MEI1: variants seen among roughly 807,000 people sequenced by gnomAD.
MEI1 encodes the protein meiosis inhibitor protein 1.
A neutral mutation model predicts 146.2 loss-of-function variants in MEI1; 103 were observed. The ratio of observed to expected loss-of-function variants is 0.70; its 90% confidence interval spans 0.60 to 0.83. The LOEUF (loss-of-function observed/expected upper bound fraction) is 0.83, where lower values mean the gene tolerates loss of function less well. MEI1 is among the 40% of genes least tolerant of loss of function. MEI1 has a pLI of 0.00. For missense variants in MEI1, 1,529 were observed against 1,533.0 expected (o/e 1.00, Z 0.04); for synonymous variants, 652 against 628.2 (o/e 1.04, Z -0.57).
At chr22:41,790,794 T>C (rs1226499848) in intron 26 of MEI1, among the ~76,000 whole-genome samples, 2 of 152,076 alleles carry the variant, frequency 1.3e-5, no homozygotes, top group Admixed American at 6.6e-5. Flanking sequence ...GGTTTCACCA[T>C]ATTGGCCAGG....
intron 30 of MEI1, among the ~76,000 whole-genome samples, chr22:41,797,932 G>A (rs1008973014): frequency 1.3e-5 from 2 of 152,022 alleles, no homozygotes; most frequent in Non-Finnish European, 2.9e-5. Context: ...TCCAAATAAC[G>A]AAACTGAGGC....
chr22:41,795,740 G>C lies in MEI1; in HGVS notation c.3672G>C (p.Gln1224His). 6.2e-7 allele frequency: 1 copy of C among 1,613,512 alleles called. No homozygotes were observed. The highest frequency in any genetic ancestry group is 8.5e-7 in the Non-Finnish European group (1 of 1,179,686). Reference sequence around the variant, plus strand: ...CTGCCCTCTTCTCCCTGCAGCTCCAGAGCATGGGACACCTGGCTGACCACA... The same window carrying C: ...CTGCCCTCTTCTCCCTGCAGCTCCACAGCATGGGACACCTGGCTGACCACA... The part of the protein sequence containing the change: ...QALHGFFQQL[Q>H]SMGHLADHSM... Residue 1224 changes from glutamine to histidine, a missense_variant, in exon 30 of 31, where the codon CAG becomes CAC. By Grantham distance (24) the Gln-to-His change is conservative. Coordinates refer to ENST00000401548, the MANE Select transcript of MEI1 (RefSeq NM_152513.4). The surrounding 1 kb of genome is among the most constrained non-coding windows in gnomAD (Gnocchi z 4.2).
At chr22:41,765,842 C>A (rs1358399474) in intron 19 of MEI1, among the ~76,000 whole-genome samples, 1 of 149,780 alleles carries the variant, frequency 6.7e-6, no homozygotes, top group Non-Finnish European at 1.5e-5. Context: ...ATTGTGTAAT[C>A]CTTAGTCATC....
At chr22:41,786,060 G>A (rs1385455888) in intron 26 of MEI1, among the ~76,000 whole-genome samples, 9 of 148,270 alleles carry the variant, frequency 6.1e-5, no homozygotes, top group African/African-American at 1.5e-4. Flanking sequence ...ACAGGCGCCC[G>A]CTACCACGCC....
intron 8 of MEI1, 127 bp downstream of exon 8, chr22:41,729,906 T>G (rs1349796897): frequency 1.7e-5 from 10 of 604,968 alleles, no homozygotes; most frequent in Non-Finnish European, 2.7e-5. Context: ...TACAGATTTC[T>G]TGTATGACCT....
At chr22:41,796,357 T>G (rs1294365311) in intron 30 of MEI1, among the ~76,000 whole-genome samples, 2 of 151,082 alleles carry the variant, frequency 1.3e-5, no homozygotes, top group African/African-American at 4.9e-5. Flanking sequence ...CCAGGTTTTT[T>G]TTTTTTTTTT....
At position 41,732,567 on chromosome 22, in the gene MEI1, C is replaced by G. The variant is rs771729569; in HGVS notation, c.1295C>G (p.Ala432Gly). ...EAVSSPVLEVAAEALKATSAF... is the reference protein window; with the variant it reads ...EAVSSPVLEVGAEALKATSAF... ...GTTAGCAGCCCTGTGCTGGAGGTGG[C>G]TGCTGAGGCCTTGAAGGCCACTTCT... The change falls in exon 11 of 31, where the codon GCT becomes GGT. Residue 432 changes from alanine (A) to glycine (G), a missense_variant. Transcript: ENST00000401548. 6.2e-7 allele frequency: 1 copy of G among 1,613,680 alleles called. No individual in the cohort carries two copies. The highest frequency in any genetic ancestry group is 1.7e-5 in the Admixed American group (1 of 60,002).
At chr22:41,707,591 T>C (rs2069189273) in intron 3 of MEI1, among the ~76,000 whole-genome samples, 1 of 152,112 alleles carries the variant, frequency 6.6e-6, no homozygotes, top group South Asian at 2.1e-4. Flanking sequence ...AGAGGATCAC[T>C]TGAGCTCAGG....
chr22:41,786,637 C>T (rs2075996071), intron 26 of MEI1, among the ~76,000 whole-genome samples: 1 of 152,200 alleles, frequency 6.6e-6, no homozygotes, highest in South Asian at 2.1e-4. Context: ...GGTAATATGC[C>T]AGTCACCATG....
intron 14 of MEI1, among the ~76,000 whole-genome samples, chr22:41,746,468 A>C (rs1200094729): frequency 2.6e-5 from 4 of 152,218 alleles, no homozygotes; most frequent in Non-Finnish European, 2.9e-5. Flanking sequence ...AATAATGAGC[A>C]GCAGTGAATG....
At chr22:41,736,391 A>G (rs544688156) in intron 11 of MEI1, among the ~76,000 whole-genome samples, 6 of 151,702 alleles carry the variant, frequency 4.0e-5, no homozygotes, top group East Asian at 3.9e-4. Context: ...CTGGGACTAC[A>G]GGTGCCTGCC....
In MEI1 at chr22:41,746,020, G is replaced by T. The variant is rs557774409; in HGVS notation, c.1674G>T (p.Met558Ile). 5 of 1,594,618 alleles carry T rather than the reference G, an allele frequency of 3.1e-6. No individual in the cohort carries two copies. The African/African-American group carries it at 5.4e-5, about 17-fold the overall frequency. ...LSACDSLCIP[M>I]VMRHLEQTTH... is the part of the protein sequence containing the mutation. ...CCTGTGACTCGCTGTGTATCCCCAT[G>T]GTGATGGTGGGTTCTCCTGAGCCAC... The change falls in exon 14 of 31, where the codon ATG (methionine) becomes ATT (isoleucine). Residue 558 changes from methionine to isoleucine, a missense_variant. Physicochemically the swap from Met to Ile is conservative, Grantham distance 10 (BLOSUM62 1). Around this residue, in one of 3 missense-constraint regions of MEI1, gnomAD observed 1,212 missense variants for 1,178.9 expected, o/e 1.03. Transcript: ENST00000401548.
At chr22:41,790,156 C>T (rs2076125954) in intron 26 of MEI1, among the ~76,000 whole-genome samples, 2 of 152,182 alleles carry the variant, frequency 1.3e-5, no homozygotes, top group Admixed American at 1.3e-4. Context: ...GATCTTGGCT[C>T]ACTGCAACCT....
intron 11 of MEI1, among the ~76,000 whole-genome samples, chr22:41,735,361 AG>A (rs1428945540): frequency 3.3e-5 from 5 of 149,698 alleles, no homozygotes; most frequent in Admixed American, 6.7e-5. Context: ...CAGCCTCCCG[AG>A]TAGCTGGGAT....
At chr22:41,712,492 C>G (rs1374800340) in intron 3 of MEI1, among the ~76,000 whole-genome samples, 1 of 151,832 alleles carries the variant, frequency 6.6e-6, no homozygotes, top group African/African-American at 2.4e-5. Flanking sequence ...GCCTTGGCCT[C>G]CCAAAGTGCT....
At chr22:41,762,199 C>A (rs1213510016) in intron 18 of MEI1, among the ~76,000 whole-genome samples, 2 of 152,146 alleles carry the variant, frequency 1.3e-5, no homozygotes, top group African/African-American at 4.8e-5. Context: ...GCGTGAGCCA[C>A]TGCACCTGGC....
intron 19 of MEI1, among the ~76,000 whole-genome samples, chr22:41,766,707 T>C (rs2074879497): frequency 2.0e-5 from 3 of 152,004 alleles, no homozygotes; most frequent in Admixed American, 2.0e-4. Context: ...CCACTGCATA[T>C]GCCTGGCTAA....
chr22:41,791,799 C>A (rs1412082632), intron 26 of MEI1, among the ~76,000 whole-genome samples: 1 of 152,198 alleles, frequency 6.6e-6, no homozygotes, highest in East Asian at 1.9e-4. Context: ...CAATGAAATA[C>A]TATTTGACCA....
intron 3 of MEI1, among the ~76,000 whole-genome samples, chr22:41,710,991 G>T (rs1212303174): frequency 6.6e-6 from 1 of 152,082 alleles, no homozygotes; most frequent in East Asian, 1.9e-4. Flanking sequence ...GCACTTGATG[G>T]TGAGGGAAAC....
Sources: gnomAD v4.1 joint callset for allele counts (sites outside exome capture counted in the v4.1 genomes callset) on GRCh38, gnomAD v4.1.1 for gene constraint, gnomAD v4.1.1 regional missense constraint, Gnocchi (gnomAD v3.1) non-coding constraint, MANE v1.5 for transcripts, NCBI Gene and HGNC (gene_info 2026-07-23, HGNC 2026-07-21) for gene names.